The following C1orf87 variants were observed in gnomAD, a reference collection of about 807,000 sequenced individuals.
C1orf87 encodes uncharacterized protein C1orf87.
A neutral mutation model predicts 60.5 loss-of-function variants in C1orf87; 58 were observed. The observed-to-expected ratio is 0.96, with a 90% CI of 0.78 to 1.19. The LOEUF (loss-of-function observed/expected upper bound fraction) is 1.19. Among genes scored for constraint, C1orf87 ranks in the 50% most tolerant of loss-of-function variants. The pLI is 0.00. For missense variants in C1orf87, 673 were observed against 638.6 expected, an observed-to-expected ratio of 1.05 and a Z score of -0.58; for synonymous variants, 236 against 227.4, an observed-to-expected ratio of 1.04 and a Z score of -0.34.
chr1:59,994,839 C>G (rs1317735747), intron 11 of C1orf87, among the ~76,000 whole-genome samples: 1 of 152,104 alleles, frequency 6.6e-6, no homozygotes, highest in Non-Finnish European at 1.5e-5. Flanking sequence ...GTGATTCATC[C>G]ATGGGCAAAG....
chr1:60,067,710 G>A (rs1373268561), intron 2 of C1orf87, among the ~76,000 whole-genome samples: 1 of 151,936 alleles, frequency 6.6e-6, no homozygotes, highest in Non-Finnish European at 1.5e-5. Flanking sequence ...TTGCTGTGCA[G>A]AAGTTCTTTA....
chr1:59,991,934 G>T (rs192347457), intron 11 of C1orf87, among the ~76,000 whole-genome samples: 1 of 152,200 alleles, frequency 6.6e-6, no homozygotes, highest in East Asian at 1.9e-4. Context: ...AAGATTTAGA[G>T]AATTTTTCTG....
chr1:60,010,376 A>T lies in C1orf87; in HGVS notation c.1192+16T>A. 6.2e-7 allele frequency: 1 copy of T among 1,609,452 alleles called. No homozygotes were observed. Among genetic ancestry groups the T allele is most frequent in the South Asian group, 1.1e-5 (1 of 90,738 alleles). Reference sequence around the variant, plus strand: ...AATGGAAGGTCTCTCTGGAGCAAAAAAATAATGGAACTCACCTGTAGGCAA... The same window carrying T: ...AATGGAAGGTCTCTCTGGAGCAAAATAATAATGGAACTCACCTGTAGGCAA... On this transcript the variant is annotated intron_variant, in intron 9 of 11. Coordinates refer to ENST00000371201, the MANE Select transcript of C1orf87 (RefSeq NM_152377.3).
chr1:60,008,342 G>C (rs376528451), intron 9 of C1orf87, among the ~76,000 whole-genome samples: 1 of 151,998 alleles, frequency 6.6e-6, no homozygotes, highest in South Asian at 2.1e-4. Flanking sequence ...CCCAATATAA[G>C]TTAGTTATTT....
chr1:59,997,659 C>A lies in C1orf87; in HGVS notation c.1430G>T (p.Arg477Met). The change falls in exon 11 of 12, where the codon AGG becomes ATG. Residue 477 changes from arginine to methionine, a missense_variant. Coordinates refer to ENST00000371201, the MANE Select transcript of C1orf87 (RefSeq NM_152377.3). ...GAGGGCATTTTCCAGCTTCCTGAAC[C>A]TGTCTATCCACGTCTCACATTCCTC... is the stretch of plus-strand genomic sequence containing the variant. ...KAEECETWID[R>M]FRKLENALYL... 1 of 1,613,918 alleles carries A rather than the reference C, an allele frequency of 6.2e-7. No individual in the cohort carries two copies. Among genetic ancestry groups the A allele is most frequent in the Non-Finnish European group, 8.5e-7 (1 of 1,179,902 alleles).
In C1orf87 at chr1:60,038,126, A is replaced by G; in HGVS notation, c.748-19T>C. 1 of 1,433,702 alleles carries G rather than the reference A, an allele frequency of 7.0e-7. No homozygotes were observed. The highest frequency in any genetic ancestry group is 9.6e-7 in the Non-Finnish European group (1 of 1,039,638). The allele number at this position is 1,433,702 out of a possible 1,614,324, so 88.8% of individuals were successfully genotyped here. A position where few individuals can be genotyped will look rare whatever the true frequency, so the allele number is the denominator to read the frequency against. ...AATTCACCTGAAAATTAAATGTAAA[A>G]TAGAACATCCTCATTTAATTTATAT... is the stretch of plus-strand genomic sequence containing the variant. On this transcript the variant is annotated intron_variant, in intron 5 of 11. Transcript: ENST00000371201.
intron 10 of C1orf87, among the ~76,000 whole-genome samples, 161 bp downstream of exon 10, chr1:60,000,916 T>G (rs1472061948): frequency 6.6e-6 from 1 of 151,934 alleles, no homozygotes; most frequent in Non-Finnish European, 1.5e-5. Context: ...TTCTTTTGCC[T>G]CCTTCTTTGC....
intron 4 of C1orf87, 38 bp from the exon 5 acceptor site, chr1:60,040,218 A>T (rs1430885170): frequency 1.3e-6 from 2 of 1,580,486 alleles, no homozygotes; most frequent in East Asian, 2.2e-5. Flanking sequence ...AAGACTCTTC[A>T]ATCAGCCGGC....
At chr1:60,013,801 G>T (rs1007188500) in intron 8 of C1orf87, among the ~76,000 whole-genome samples, 1 of 151,888 alleles carries the variant, frequency 6.6e-6, no homozygotes, top group African/African-American at 2.4e-5. Flanking sequence ...TAGACCTGAA[G>T]TCAAGGGCAG....
chr1:60,031,051 T>G (rs906718248), intron 7 of C1orf87, among the ~76,000 whole-genome samples: 5 of 151,932 alleles, frequency 3.3e-5, no homozygotes, highest in Non-Finnish European at 1.5e-5. Flanking sequence ...GGAGAGAGAG[T>G]GCATAGCTTT....
In C1orf87 at chr1:60,040,046, G is replaced by A. The variant is rs776599892; in HGVS notation, c.618C>T (p.Asp206=). 5 of 1,614,078 alleles carry A rather than the reference G, an allele frequency of 3.1e-6. No homozygotes were observed. The highest frequency in any genetic ancestry group is 2.2e-5 in the South Asian group (2 of 91,088). The change falls in exon 5 of 12, where the codon GAC becomes GAT. Residue 206 remains aspartate, a synonymous_variant. Transcript: ENST00000371201. ...GGAGAAGAAATCCTGAAGAGATTGG[G>A]TCCAGGATCTTCAGCTCTTTCTGAA... ...EKLQKELKIL[D]PISSGFLLQS...
chr1:59,999,359 A>C (rs901073607), intron 10 of C1orf87, among the ~76,000 whole-genome samples: 68 of 152,186 alleles, frequency 4.5e-4, no homozygotes, highest in African/African-American at 1.5e-3. Flanking sequence ...GTAAATTAGA[A>C]TAGTGATTCT....
At chr1:60,009,505 A>G (rs1319885821) in intron 9 of C1orf87, among the ~76,000 whole-genome samples, 3 of 151,946 alleles carry the variant, frequency 2.0e-5, no homozygotes, top group African/African-American at 7.2e-5. Context: ...ATTCTTTTTT[A>G]TCCCTCAGCT....
chr1:60,064,847 T>C (rs1282674568), intron 2 of C1orf87, among the ~76,000 whole-genome samples: 2 of 88,930 alleles, frequency 2.2e-5, no homozygotes, highest in Non-Finnish European at 4.0e-5. Context: ...TAATTATATA[T>C]TTATATATTT....
intron 8 of C1orf87, among the ~76,000 whole-genome samples, chr1:60,021,811 A>G (rs1427332467): frequency 6.6e-6 from 1 of 152,224 alleles, no homozygotes; most frequent in Non-Finnish European, 1.5e-5. Context: ...ACAAAAAGAG[A>G]CTAGCTGAAG....
At chr1:60,003,576 T>TC (rs1645022913) in intron 9 of C1orf87, among the ~76,000 whole-genome samples, 1 of 152,118 alleles carries the variant, frequency 6.6e-6, no homozygotes, top group Non-Finnish European at 1.5e-5. Context: ...AGGATATTTT[T>TC]ACAAATAAAT....
intron 7 of C1orf87, among the ~76,000 whole-genome samples, chr1:60,032,969 T>G (rs1574311581): frequency 6.6e-6 from 1 of 152,166 alleles, no homozygotes; most frequent in Admixed American, 6.5e-5. Flanking sequence ...TATGATGGGG[T>G]TTATTTGGCT....
intron 2 of C1orf87, among the ~76,000 whole-genome samples, chr1:60,069,740 G>A (rs572876948): frequency 6.6e-6 from 1 of 152,208 alleles, no homozygotes; most frequent in Non-Finnish European, 1.5e-5. Flanking sequence ...TCTGTAAAAT[G>A]GGAGTCTGGT....
intron 3 of C1orf87, among the ~76,000 whole-genome samples, chr1:60,043,867 G>A (rs546270094): frequency 1.3e-5 from 2 of 152,154 alleles, no homozygotes; most frequent in African/African-American, 4.8e-5. Flanking sequence ...CATTCCATGA[G>A]TCAAGGTATC....
Sources: gnomAD v4.1 joint callset for allele counts (sites outside exome capture counted in the v4.1 genomes callset) on GRCh38, gnomAD v4.1.1 for gene constraint, MANE v1.5 for transcripts, NCBI Gene and HGNC (gene_info 2026-07-23, HGNC 2026-07-21) for gene names.